The following DDX31 variants were observed in gnomAD, a reference collection of about 807,000 sequenced individuals.
DDX31 encodes the protein DEAD-box helicase 31.
A neutral mutation model predicts 91.3 loss-of-function variants in DDX31; 70 were observed. That is an observed-to-expected ratio of 0.77 (90% CI 0.63 to 0.94). The LOEUF is 0.94. Ranked by LOEUF, DDX31 falls within the 40% of genes least tolerant of loss-of-function variation. The probability of loss-of-function intolerance (pLI) is 0.00; values close to 1 mark genes in which losing one functional copy is unlikely to be tolerated. For missense variants in DDX31, 902 were observed against 925.0 expected (o/e 0.98, Z 0.32); for synonymous variants, 362 against 350.6 (o/e 1.03, Z -0.36).
rs1430765405 is a variant in DDX31, at chr9:132,669,944, G to A, written c.-10C>T. 1.3e-6 allele frequency: 2 copies of A among 1,588,096 alleles called. No homozygotes were observed. The highest frequency in any genetic ancestry group is 3.5e-5 in the Admixed American group (2 of 56,600). ...CGTCGGCGGCTGCCATGGTCTGCGTGGGTGACGCGTGGTGCAGCAGCGAGC... is the reference window on the plus strand; with the variant it reads ...CGTCGGCGGCTGCCATGGTCTGCGTAGGTGACGCGTGGTGCAGCAGCGAGC... On this transcript the variant is annotated 5_prime_UTR_variant, in exon 1 of 20. Coordinates refer to ENST00000372159, the MANE Select transcript of DDX31 (RefSeq NM_022779.9).
At position 132,652,493 on chromosome 9, in the gene DDX31, C is replaced by T; in HGVS notation, c.589-1G>A. On this transcript the variant is annotated splice_acceptor_variant, in intron 6 of 19. Transcript: ENST00000372159. LOFTEE classifies it high-confidence loss of function. The stretch of plus-strand genomic sequence containing the variant: ...CCAGGGCATAGGGGCCATCACTGCG[C>T]TGTTGACACACAGAAAAAAAATGCC... The T allele has an allele frequency of 6.2e-7, 1 of 1,614,056 alleles. No homozygotes were observed. The highest frequency in any genetic ancestry group is 1.7e-5 in the Admixed American group (1 of 60,024).
intron 1 of DDX31, 151 bp downstream of exon 1, chr9:132,669,709 G>A (rs779208948): frequency 1.3e-6 from 2 of 1,533,120 alleles, no homozygotes; most frequent in East Asian, 2.4e-5. Context: ...CACGTGTTTC[G>A]GCGCAACTTG....
chr9:132,633,055 C>T (rs1554765504), intron 14 of DDX31, among the ~76,000 whole-genome samples: 1 of 152,192 alleles, frequency 6.6e-6, no homozygotes, highest in Non-Finnish European at 1.5e-5. Flanking sequence ...GAGACCTTTA[C>T]CTGCGTTATC....
chr9:132,611,941 C>T, intron 19 of DDX31, 146 bp downstream of exon 19: 1 of 1,191,142 alleles, frequency 8.4e-7, no homozygotes, highest in Non-Finnish European at 1.2e-6. Context: ...GATGAGGTGG[C>T]TTTCTTCTCA....
chr9:132,645,752 G>A (rs547841439), intron 13 of DDX31, 143 bp downstream of exon 13: 69 of 863,854 alleles, frequency 8.0e-5, no homozygotes, highest in East Asian at 3.5e-4. Context: ...ACCCATTTTC[G>A]TCTCATTCTT....
At chr9:132,603,279 G>A (rs918926778) in intron 19 of DDX31, among the ~76,000 whole-genome samples, 2 of 152,204 alleles carry the variant, frequency 1.3e-5, no homozygotes, top group African/African-American at 4.8e-5. Context: ...AAATTACTCT[G>A]CATTTTGGAC....
At chr9:132,648,630 TAGAC>T (rs1404472220) in intron 9 of DDX31, 79 bp from the exon 10 acceptor site, 33 of 1,505,646 alleles carry the variant, frequency 2.2e-5, no homozygotes, top group Middle Eastern at 3.9e-4. Flanking sequence ...AAAGGCAAAA[TAGAC>T]AGACTCATTT....
intron 17 of DDX31, 112 bp downstream of exon 17, chr9:132,625,552 A>G: frequency 1.2e-6 from 1 of 805,902 alleles, no homozygotes; most frequent in Non-Finnish European, 2.1e-6. Flanking sequence ...CATGGTTCTT[A>G]AAATAAATGT....
chr9:132,608,304 T>G lies in DDX31; in HGVS notation c.1994+3783A>C, dbSNP rs369455369. ...TTTTGTGACTATGACTGTATTTCTA[T>G]GTGTAGGGGAAGATATTTACTGTTC... On this transcript the variant is annotated intron_variant, in intron 19 of 19. Transcript: ENST00000372159. Among the ~76,000 whole-genome samples, 10 of 152,292 alleles carry G rather than the reference T, an allele frequency of 6.6e-5. No individual in the cohort carries two copies. In the South Asian group the frequency reaches 1.4e-3, roughly 22 times the overall value.
chr9:132,611,085 A>G (rs1329014776), intron 19 of DDX31, among the ~76,000 whole-genome samples: 1 of 152,216 alleles, frequency 6.6e-6, no homozygotes. Flanking sequence ...TGAACAGGCA[A>G]GCTGGACACT....
chr9:132,654,319 A>C (rs1221354900), intron 6 of DDX31, among the ~76,000 whole-genome samples: 1 of 152,218 alleles, frequency 6.6e-6, no homozygotes, highest in Admixed American at 6.5e-5. Flanking sequence ...CTTTAAAAAA[A>C]GACCAACTTG....
chr9:132,664,784 C>T (rs893643430), intron 1 of DDX31, among the ~76,000 whole-genome samples: 5 of 151,876 alleles, frequency 3.3e-5, no homozygotes, highest in Admixed American at 6.6e-5. Context: ...CTCTGGCCAC[C>T]TCACCAGCTT....
At chr9:132,611,461 T>C (rs1831335116) in intron 19 of DDX31, among the ~76,000 whole-genome samples, 1 of 152,104 alleles carries the variant, frequency 6.6e-6, no homozygotes, top group Admixed American at 6.5e-5. Flanking sequence ...AGGGAAATCA[T>C]CTCAGCACTG....
chr9:132,606,741 G>A (rs909733042), intron 19 of DDX31, among the ~76,000 whole-genome samples: 13 of 152,162 alleles, frequency 8.5e-5, no homozygotes, highest in African/African-American at 3.1e-4. Context: ...CAATCCTGGT[G>A]TCTGTGTGAT....
rs200172474 is a variant in DDX31, at chr9:132,648,305, T to TAA, written c.861-12_861-11dup. The stretch of plus-strand genomic sequence containing the variant: ...ACCCAAATCCAAGATTCTGTGATTG[T>TAA]AAAAAAAAAAAGAAATTTTCAACTA... On this transcript the variant is annotated splice_polypyrimidine_tract_variant and intron_variant, in intron 10 of 19. Coordinates refer to ENST00000372159, the MANE Select transcript of DDX31 (RefSeq NM_022779.9). 2.7e-3 allele frequency: 3,381 copies of TAA among 1,240,090 alleles called. 29 individuals are homozygous for TAA. In the African/African-American group the frequency reaches 0.042, roughly 15 times the overall value. 76.8% of individuals were successfully genotyped at this position (1,240,090 alleles called of 1,614,324 possible). A position where few individuals can be genotyped will look rare whatever the true frequency, so the allele number is the denominator to read the frequency against.
intron 19 of DDX31, among the ~76,000 whole-genome samples, chr9:132,605,815 G>A (rs368571457): frequency 2.0e-5 from 3 of 152,136 alleles, no homozygotes; most frequent in Admixed American, 6.5e-5. Context: ...TTGTGAGGAG[G>A]GGGGTTTGTT....
rs78200539 is a variant in DDX31 at position 132,635,769 on chromosome 9, A to C, written c.1441-3678T>G. Among the ~76,000 whole-genome samples, 319 of 151,698 alleles carry C rather than the reference A, an allele frequency of 2.1e-3. 1 individual carries two copies. Among genetic ancestry groups the C allele is most frequent in the African/African-American group, 7.4e-3 (308 of 41,350 alleles). On this transcript the variant is annotated intron_variant, in intron 14 of 19. Coordinates refer to ENST00000372159, the MANE Select transcript of DDX31 (RefSeq NM_022779.9). ...GAGACCAGCTTGACCAACATGGTGA[A>C]CCCCATCTCTACTAAAAACACAAAA...
At chr9:132,646,551 T>C (rs1195830557) in intron 12 of DDX31, among the ~76,000 whole-genome samples, 1 of 152,152 alleles carries the variant, frequency 6.6e-6, no homozygotes, top group African/African-American at 2.4e-5. Context: ...CATCCAGCTG[T>C]TCCCGCCACC....
intron 15 of DDX31, 143 bp from the exon 16 acceptor site, chr9:132,630,546 G>A (rs1374742756): frequency 1.3e-6 from 1 of 796,386 alleles, no homozygotes. Flanking sequence ...ACAAGGAGAA[G>A]TCACCCAACC....
Sources: allele counts gnomAD v4.1 joint callset (sites outside exome capture counted in the v4.1 genomes callset), GRCh38; gene constraint gnomAD v4.1.1; transcripts MANE v1.5; gene names NCBI Gene and HGNC (gene_info 2026-07-23, HGNC 2026-07-21).